Variants in CSNK1D observed in about 807,000 individuals in gnomAD.
The protein encoded by CSNK1D is casein kinase 1 delta.
Under a neutral mutation model 46.6 loss-of-function variants are expected in CSNK1D, and 16 were observed. That is an observed-to-expected ratio of 0.34 (90% confidence interval 0.23 to 0.52). The LOEUF (loss-of-function observed/expected upper bound fraction) is 0.52. CSNK1D is among the 20% of genes least tolerant of loss of function. The pLI, the probability that CSNK1D is intolerant of heterozygous loss-of-function variation, is 0.95. For synonymous variants in CSNK1D, 276 were observed against 228.2 expected, an observed-to-expected ratio of 1.21 and a Z score of -1.89; for missense variants, 398 against 578.4, an observed-to-expected ratio of 0.69 and a Z score of 3.20.
downstream of CSNK1D, chr17:82,239,588 C>T (rs1203046636): frequency 9.6e-6 from 2 of 208,740 alleles, no homozygotes; most frequent in Non-Finnish European, 1.9e-5. Flanking sequence ...CGCCAGCTTT[C>T]CCTGCAGCGG....
rs1599571020 is a variant in CSNK1D at position 82,243,870 on chromosome 17, T to A, written c.*911A>T. On this transcript the variant is annotated 3_prime_UTR_variant, in exon 9 of 9. Coordinates refer to ENST00000314028, the MANE Select transcript of CSNK1D (RefSeq NM_001893.6). ...CCTCTCCCAAGGGACCAGAAACGCA[T>A]CTTCCACCTTGAATCCTGGGACTCC... The A allele has an allele frequency of 1.0e-6, 1 of 985,490 alleles. No individual in the cohort carries two copies. Among genetic ancestry groups the A allele is most frequent in the Admixed American group, 6.1e-5 (1 of 16,266 alleles). The allele number at this position is 985,490 out of a possible 1,614,324, so 61.0% of individuals were successfully genotyped here. A position where few individuals can be genotyped will look rare whatever the true frequency, so the allele number is the denominator to read the frequency against.
downstream of CSNK1D, among the ~76,000 whole-genome samples, chr17:82,242,505 C>A (rs1212191611): frequency 1.2e-5 from 1 of 81,386 alleles, no homozygotes; most frequent in African/African-American, 5.3e-5. Context: ...TGCCCGGCAG[C>A]AGGCCCAGGG....
chr17:82,256,662 C>A (rs926036418), intron 2 of CSNK1D, among the ~76,000 whole-genome samples: 1 of 152,182 alleles, frequency 6.6e-6, no homozygotes, highest in Non-Finnish European at 1.5e-5. Context: ...GGAATGTGCA[C>A]CGCAGCCTCA....
At chr17:82,241,093 C>G (rs182031607), downstream of CSNK1D, among the ~76,000 whole-genome samples, 1 of 151,954 alleles carries the variant, frequency 6.6e-6, no homozygotes, top group African/African-American at 2.4e-5. Flanking sequence ...ACCAGAGACA[C>G]GTCCGTCCAG....
At position 82,251,162 on chromosome 17, in the gene CSNK1D, C is replaced by A. The variant is rs2050998506; in HGVS notation, c.885+217G>T. 7.1e-6 allele frequency: 4 copies of A among 567,136 alleles called. No individual in the cohort carries two copies. Among genetic ancestry groups the A allele is most frequent in the African/African-American group, 1.9e-5 (1 of 53,234 alleles). The allele number at this position is 567,136 out of a possible 1,614,324, so 35.1% of individuals were successfully genotyped here. A position where few individuals can be genotyped will look rare whatever the true frequency, so the allele number is the denominator to read the frequency against. On this transcript the variant is annotated intron_variant, in intron 6 of 8. Transcript: ENST00000314028. The surrounding 1 kb of genome is among the most constrained non-coding windows in gnomAD (Gnocchi z 4.5). ...TGTCCACACCCAGGAATTCCATGGA[C>A]CCCTCTGCGTTCCCTAATGGCGTCT... is the stretch of plus-strand genomic sequence containing the variant.
In CSNK1D at chr17:82,253,206, G is replaced by A; in HGVS notation, c.375C>T (p.Ile125=). 2 of 1,614,136 alleles carry A rather than the reference G, an allele frequency of 1.2e-6. No homozygotes were observed. Among genetic ancestry groups the A allele is most frequent in the Non-Finnish European group, 1.7e-6 (2 of 1,180,002 alleles). The change falls in exon 4 of 9, where the codon ATC becomes ATT. Residue 125 remains isoleucine, a synonymous_variant. Coordinates refer to ENST00000314028, the MANE Select transcript of CSNK1D (RefSeq NM_001893.6). ...AGTTGTCTGGCTTCACATCCCGGTG[G>A]ATGAAGTTCTTTGAATGAATGTATT... ...RIEYIHSKNF[I]HRDVKPDNFL...
At chr17:82,240,895 A>G (rs2050733481), downstream of CSNK1D, among the ~76,000 whole-genome samples, 2 of 152,142 alleles carry the variant, frequency 1.3e-5, no homozygotes, top group African/African-American at 4.8e-5. Context: ...GAGGGAAGCC[A>G]TGGGGCAGTG....
At position 82,249,531 on chromosome 17, in the gene CSNK1D, C is replaced by A. The variant is rs1367596864; in HGVS notation, c.957G>T (p.Arg319=). The A allele has an allele frequency of 1.9e-6, 3 of 1,545,624 alleles. No homozygotes were observed. Among genetic ancestry groups the A allele is most frequent in the Non-Finnish European group, 2.6e-6 (3 of 1,147,524 alleles). The change falls in exon 7 of 9, where the codon CGG becomes CGT. Residue 319 remains arginine, a synonymous_variant. Transcript: ENST00000314028. This position sits in a 1 kb window ranked among gnomAD's most constrained non-coding sequence, Gnocchi z 6.7. ...AAGGGAGGCCGCGGGTAGCCGGGTT[C>A]CGCGAGTGTCTCAGCCGCTCCTCTC... ...RDREERLRHS[R]NPATRGLPST... is the part of the protein sequence containing the mutation.
Position 82,243,618 on chromosome 17 carries a change from G to A in CSNK1D, c.*1163C>T. ...CCGTGAAGGTTCTGGGTCCGGTTGG[G>A]AGAGTCACCTGCTCCTTGGCACCTC... On this transcript the variant is annotated 3_prime_UTR_variant, in exon 9 of 9. Coordinates refer to ENST00000314028, the MANE Select transcript of CSNK1D (RefSeq NM_001893.6). 1.0e-6 allele frequency: 1 copy of A among 985,518 alleles called. No homozygotes were observed. Among genetic ancestry groups the A allele is most frequent in the Non-Finnish European group, 1.2e-6 (1 of 829,962 alleles). 61.0% of individuals were successfully genotyped at this position (985,518 alleles called of 1,614,324 possible). A position where few individuals can be genotyped will look rare whatever the true frequency, so the allele number is the denominator to read the frequency against.
At chr17:82,241,405 T>C (rs2050740372), downstream of CSNK1D, among the ~76,000 whole-genome samples, 1 of 152,206 alleles carries the variant, frequency 6.6e-6, no homozygotes, top group Non-Finnish European at 1.5e-5. Flanking sequence ...GTCTAAACCA[T>C]GCCTGAGGAC....
At chr17:82,240,945 G>A (rs551588442), downstream of CSNK1D, among the ~76,000 whole-genome samples, 3 of 152,204 alleles carry the variant, frequency 2.0e-5, no homozygotes, top group African/African-American at 7.2e-5. Context: ...AAGGGGAAGG[G>A]AAGGGAAGCC....
At chr17:82,240,843 G>A (rs1188721454), downstream of CSNK1D, among the ~76,000 whole-genome samples, 1 of 152,124 alleles carries the variant, frequency 6.6e-6, no homozygotes, top group Non-Finnish European at 1.5e-5. Flanking sequence ...GTGAGTGGGC[G>A]CTGAGTTCTA....
At position 82,247,703 on chromosome 17, in the gene CSNK1D, G is replaced by A. The variant is rs552041307; in HGVS notation, c.1197+1172C>T. The A allele has an allele frequency of 4.1e-5, 40 of 985,426 alleles. No individual in the cohort carries two copies. The African/African-American group carries it at 6.3e-4, about 15-fold the overall frequency. 61.0% of individuals were successfully genotyped at this position (985,426 alleles called of 1,614,324 possible). On this transcript the variant is annotated intron_variant, in intron 8 of 8. Transcript: ENST00000314028. The stretch of plus-strand genomic sequence containing the variant: ...AACCCTTTCTGTGCTGTGTCTGGAG[G>A]TGACAGCAGGGTTGTGTGCACGTAA...
chr17:82,250,571 C>G lies in CSNK1D; in HGVS notation c.885+808G>C. The G allele has an allele frequency of 4.2e-6, 1 of 237,980 alleles. No individual in the cohort carries two copies. Among genetic ancestry groups the G allele is most frequent in the South Asian group, 4.3e-5 (1 of 23,048 alleles). The allele number at this position is 237,980 out of a possible 1,614,324, so 14.7% of individuals were successfully genotyped here. A position where few individuals can be genotyped will look rare whatever the true frequency, so the allele number is the denominator to read the frequency against. ...TCGCCTGCCATCTCTCCGGGGCCTCCAAGTACTCCCCACGCTGATGGGCAC... is the reference window on the plus strand; with the variant it reads ...TCGCCTGCCATCTCTCCGGGGCCTCGAAGTACTCCCCACGCTGATGGGCAC... On this transcript the variant is annotated intron_variant, in intron 6 of 8. Transcript: ENST00000314028. The surrounding 1 kb of genome is among the most constrained non-coding windows in gnomAD (Gnocchi z 4.6).
At chr17:82,257,853 G>A (rs956671918) in intron 2 of CSNK1D, among the ~76,000 whole-genome samples, 12 of 152,182 alleles carry the variant, frequency 7.9e-5, no homozygotes, top group South Asian at 2.1e-4. Flanking sequence ...GAACAGACCC[G>A]GATGTTCACA....
At chr17:82,245,488 C>T (rs2050828310) in intron 8 of CSNK1D, 1 of 209,546 alleles carries the variant, frequency 4.8e-6, no homozygotes, top group Non-Finnish European at 9.8e-6. Flanking sequence ...AGAGAGGCGA[C>T]TAGAAAAGCT....
intron 2 of CSNK1D, among the ~76,000 whole-genome samples, chr17:82,263,785 C>A (rs1242926232): frequency 6.6e-6 from 1 of 152,268 alleles, no homozygotes; most frequent in South Asian, 2.1e-4. Context: ...GCCAAGGCCA[C>A]ACCCCGCACC....
At chr17:82,269,717 G>A (rs1396383278) in intron 1 of CSNK1D, among the ~76,000 whole-genome samples, 1 of 152,220 alleles carries the variant, frequency 6.6e-6, no homozygotes, top group East Asian at 1.9e-4. Context: ...ACACACTACA[G>A]GTGAGAACAG....
rs372790275 is a variant in CSNK1D at position 82,252,767 on chromosome 17, A to T, written c.566-163T>A. ...ACGAACCTCGGACACACATGCCCAG[A>T]TCACTCTCACCCAGAGCTGCCCCTC... On this transcript the variant is annotated intron_variant, in intron 4 of 8. Transcript: ENST00000314028. The surrounding 1 kb of genome is among the most constrained non-coding windows in gnomAD (Gnocchi z 4.6). Among the ~76,000 whole-genome samples, 5 of 152,158 alleles carry T rather than the reference A, an allele frequency of 3.3e-5. No homozygotes were observed. Among genetic ancestry groups the T allele is most frequent in the East Asian group, 1.9e-4 (1 of 5,188 alleles).
Sources: gnomAD v4.1 joint callset for allele counts (sites outside exome capture counted in the v4.1 genomes callset) on GRCh38, gnomAD v4.1.1 for gene constraint, Gnocchi (gnomAD v3.1) non-coding constraint, MANE v1.5 for transcripts, NCBI Gene and HGNC (gene_info 2026-07-23, HGNC 2026-07-21) for gene names.